The following CNGB1 variants were observed in gnomAD, a reference collection of about 807,000 sequenced individuals.
CNGB1 encodes cyclic nucleotide gated channel subunit beta 1.
Under a neutral mutation model 151.7 loss-of-function variants are expected in CNGB1, and 126 were observed. The observed-to-expected ratio is 0.83, with a 90% CI of 0.72 to 0.96. CNGB1 has a LOEUF of 0.96. Among genes scored for constraint, CNGB1 ranks in the 40% least tolerant of loss-of-function variants. The pLI is 0.00. For synonymous variants in CNGB1, 623 were observed against 635.1 expected (o/e 0.98, Z 0.29); for missense variants, 1,698 against 1,627.0 (o/e 1.04, Z -0.75).
intron 17 of CNGB1, among the ~76,000 whole-genome samples, chr16:57,926,371 C>T (rs1213045411): frequency 1.3e-5 from 2 of 152,172 alleles, no homozygotes; most frequent in South Asian, 2.1e-4. Flanking sequence ...GGGACCCAAA[C>T]CTGAGTCTGC....
At chr16:57,951,014 G>A (rs577795425) in intron 12 of CNGB1, among the ~76,000 whole-genome samples, 122 of 152,286 alleles carry the variant, frequency 8.0e-4, no homozygotes, top group African/African-American at 2.8e-3. Flanking sequence ...GTGACAGCAC[G>A]CCCATACGTT....
At chr16:57,964,294 A>G (rs529564692) in intron 3 of CNGB1, 92 bp from the exon 4 acceptor site, 2 of 1,455,926 alleles carry the variant, frequency 1.4e-6, no homozygotes, top group Non-Finnish European at 1.9e-6. Flanking sequence ...GAGAGGAGAG[A>G]GACCCCCAGG....
In CNGB1 at chr16:57,937,686, C is replaced by T. The variant is rs142892214; in HGVS notation, c.1372+1744G>A. 9.2e-5 allele frequency among the ~76,000 whole-genome samples: 14 copies of T among 152,330 alleles called. 1 individual carries two copies. The highest frequency in any genetic ancestry group is 3.4e-4 in the African/African-American group (14 of 41,576). Reference sequence around the variant, plus strand: ...TCTTAGACCCAAGAAACCCAGGACTCGAACATTCTTAGCCTGGTAGAATTT... The same window carrying T: ...TCTTAGACCCAAGAAACCCAGGACTTGAACATTCTTAGCCTGGTAGAATTT... On this transcript the variant is annotated intron_variant, in intron 16 of 32. Coordinates refer to ENST00000251102, the MANE Select transcript of CNGB1 (RefSeq NM_001297.5).
At chr16:57,932,400 CTTTTTTTTTT>C (rs36048770) in intron 16 of CNGB1, among the ~76,000 whole-genome samples, 1,781 of 124,476 alleles carry the variant, frequency 0.014, 18 homozygotes, top group Middle Eastern at 0.063. Context: ...CTTAAAGATT[CTTTTTTTTTT>C]TTTTTTTTTT....
chr16:57,897,985 C>G, intron 29 of CNGB1, 71 bp from the exon 30 acceptor site: 1 of 1,534,274 alleles, frequency 6.5e-7, no homozygotes, highest in South Asian at 1.1e-5. Context: ...AGGGCTGGAT[C>G]CAGAGGCTGG....
In CNGB1 at chr16:57,887,976, G is replaced by A. The variant is rs755822581; in HGVS notation, c.3341C>T (p.Ala1114Val). The change falls in exon 32 of 33, where the codon GCT (alanine) becomes GTT (valine). Residue 1114 changes from alanine to valine, a missense_variant. By Grantham distance (64) the Ala-to-Val change is moderately conservative. Coordinates refer to ENST00000251102, the MANE Select transcript of CNGB1 (RefSeq NM_001297.5). Reference sequence around the variant, plus strand: ...CTTGCCACCCATCTTTCCTGTCATAGCGAGGGCAGCGTTGAAGAGCTTTGG... The same window carrying A: ...CTTGCCACCCATCTTTCCTGTCATAACGAGGGCAGCGTTGAAGAGCTTTGG... Reference protein sequence around the residue: ...GTPKLFNAALAMTGKMGGKGA... With the variant: ...GTPKLFNAALVMTGKMGGKGA... 4 of 1,614,170 alleles carry A rather than the reference G, an allele frequency of 2.5e-6. No homozygotes were observed. Among genetic ancestry groups the A allele is most frequent in the South Asian group, 1.1e-5 (1 of 91,088 alleles).
intron 12 of CNGB1, chr16:57,955,195 G>A (rs953800822): frequency 6.6e-7 from 1 of 1,525,204 alleles, no homozygotes. Context: ...TCCTGCCTGG[G>A]AGTGTGTGGA....
intron 16 of CNGB1, among the ~76,000 whole-genome samples, chr16:57,933,365 G>C (rs1279316914): frequency 1.3e-5 from 2 of 152,132 alleles, no homozygotes; most frequent in Non-Finnish European, 2.9e-5. Flanking sequence ...CATGCCAGGG[G>C]CCCCCAAATT....
At chr16:57,893,842 G>T (rs574136645) in intron 31 of CNGB1, among the ~76,000 whole-genome samples, 1 of 152,170 alleles carries the variant, frequency 6.6e-6, no homozygotes, top group South Asian at 2.1e-4. Context: ...CAAAGTAGGG[G>T]TTATGACCTT....
chr16:57,963,020 T>C lies in CNGB1; in HGVS notation c.335A>G (p.Lys112Arg), dbSNP rs1206902463. 33 of 1,613,350 alleles carry C rather than the reference T, an allele frequency of 2.0e-5. No homozygotes were observed. Among genetic ancestry groups the C allele is most frequent in the Non-Finnish European group, 2.8e-5 (33 of 1,179,930 alleles). Residue 112 changes from lysine to arginine, a missense_variant, in exon 5 of 33, where the codon AAG becomes AGG. Lys to Arg is a conservative substitution (Grantham distance 26). Coordinates refer to ENST00000251102, the MANE Select transcript of CNGB1 (RefSeq NM_001297.5). ...VLTWLMKGVEKVIPQPVHSIT... is the reference protein window; with the variant it reads ...VLTWLMKGVERVIPQPVHSIT... ...GCTGTGAACAGGCTGCGGGATCACC[T>C]TCTCTACGCCCTTCATGAGCCAGGT...
Position 57,882,377 on chromosome 16 carries a change from A to G in CNGB1, c.*1787T>C, listed in dbSNP as rs1402053428. The G allele has an allele frequency of 6.6e-6, 1 of 151,750 alleles. No individual in the cohort carries two copies. Among genetic ancestry groups the G allele is most frequent in the Admixed American group, 6.6e-5 (1 of 15,202 alleles). The allele number at this position is 151,750 out of a possible 1,614,324, so 9.4% of individuals were successfully genotyped here. On this transcript the variant is annotated 3_prime_UTR_variant, in exon 33 of 33. Coordinates refer to ENST00000251102, the MANE Select transcript of CNGB1 (RefSeq NM_001297.5). ...TAAAATAATAAGGTCAATCATCACT[A>G]TATTCAATGTGATGATTACCCGGAT...
chr16:57,914,829 C>T (rs1960818278), intron 23 of CNGB1, among the ~76,000 whole-genome samples: 1 of 152,162 alleles, frequency 6.6e-6, no homozygotes, highest in African/African-American at 2.4e-5. Context: ...CCCAGCCTCT[C>T]CAAGCACCAA....
chr16:57,887,987 G>A lies in CNGB1; in HGVS notation c.3330C>T (p.Asn1110=), dbSNP rs566102644. 4.0e-5 allele frequency: 64 copies of A among 1,614,180 alleles called. No homozygotes were observed. The highest frequency in any genetic ancestry group is 8.9e-5 in the East Asian group (4 of 44,870). ...PPRAGTPKLF[N]AALAMTGKMG... ...TCTTTCCTGTCATAGCGAGGGCAGC[G>A]TTGAAGAGCTTTGGGGTGCCCGCCC... Residue 1110 remains asparagine (N), a synonymous_variant, in exon 32 of 33, where the codon AAC becomes AAT. Coordinates refer to ENST00000251102, the MANE Select transcript of CNGB1 (RefSeq NM_001297.5).
At chr16:57,906,590 C>T (rs773682452) in intron 25 of CNGB1, among the ~76,000 whole-genome samples, 9 of 152,162 alleles carry the variant, frequency 5.9e-5, no homozygotes, top group Non-Finnish European at 1.2e-4. Flanking sequence ...GAACCCAAAA[C>T]GGGCCTGTCA....
chr16:57,896,671 C>T (rs1339469093), intron 31 of CNGB1, among the ~76,000 whole-genome samples: 1 of 151,478 alleles, frequency 6.6e-6, no homozygotes, highest in Non-Finnish European at 1.5e-5. Flanking sequence ...CAAGATTGTG[C>T]CACGGCACTC....
At chr16:57,893,876 GA>G (rs1330620721) in intron 31 of CNGB1, among the ~76,000 whole-genome samples, 1 of 152,102 alleles carries the variant, frequency 6.6e-6, no homozygotes, top group East Asian at 1.9e-4. Context: ...AGACAACTGA[GA>G]CCAGAAAAGT....
At chr16:57,885,586 CTT>C (rs1567359860) in intron 32 of CNGB1, among the ~76,000 whole-genome samples, 1 of 98,692 alleles carries the variant, frequency 1.0e-5, no homozygotes, top group Non-Finnish European at 2.1e-5. Context: ...CTCTTTCTTT[CTT>C]TCTTTCTTTC....
intron 12 of CNGB1, 86 bp downstream of exon 12, chr16:57,957,254 GC>G (rs1962112481): frequency 1.5e-6 from 2 of 1,295,280 alleles, no homozygotes; most frequent in Admixed American, 1.7e-5. Flanking sequence ...GCCAGGGACA[GC>G]CCCCCTGCCC....
At chr16:57,921,196 C>A (rs16959513) in intron 18 of CNGB1, among the ~76,000 whole-genome samples, 12,269 of 144,854 alleles carry the variant, frequency 0.085, 1,535 homozygotes, top group African/African-American at 0.28. Context: ...CTGAGGAAGA[C>A]GGGCTGGAGA....
Sources: gnomAD v4.1 joint callset for allele counts (sites outside exome capture counted in the v4.1 genomes callset) on GRCh38, gnomAD v4.1.1 for gene constraint, MANE v1.5 for transcripts, NCBI Gene and HGNC (gene_info 2026-07-23, HGNC 2026-07-21) for gene names.